Variants in KCNC4 observed in about 807,000 individuals in gnomAD.
The protein encoded by KCNC4 is potassium voltage-gated channel subfamily C member 4, also known as voltage-gated potassium channel KCNC4.
In KCNC4, 23 loss-of-function variants were observed where a neutral mutation model predicts 42.8. The observed-to-expected ratio is 0.54, with a 90% CI of 0.39 to 0.76. The LOEUF is 0.76. KCNC4 is among the 30% of genes least tolerant of loss of function. The pLI is 0.00. For missense variants in KCNC4, 751 were observed against 898.2 expected (o/e 0.84, Z 2.10); for synonymous variants, 422 against 393.5 (o/e 1.07, Z -0.86).
At position 110,223,134 on chromosome 1, in the gene KCNC4, C is replaced by T. The variant is rs748353549; in HGVS notation, c.849C>T (p.Tyr283=). Residue 283 remains tyrosine (Y), a synonymous_variant, in exon 2 of 4, where the codon TAC becomes TAT. Coordinates refer to ENST00000438661, the MANE Select transcript of KCNC4 (RefSeq NM_001039574.3). This position sits in a 1 kb window ranked among gnomAD's most constrained non-coding sequence, Gnocchi z 7.5. Reference sequence around the variant, plus strand: ...TAGAGACAGAGCCCATCCTGACCTACATCGAGGGCGTATGTGTGCTGTGGT... The same window carrying T: ...TAGAGACAGAGCCCATCCTGACCTATATCGAGGGCGTATGTGTGCTGTGGT... ...REVETEPILT[Y]IEGVCVLWFT... is the part of the protein sequence containing the mutation. 1.9e-6 allele frequency: 3 copies of T among 1,614,244 alleles called. No homozygotes were observed. The highest frequency in any genetic ancestry group is 1.7e-5 in the Admixed American group (1 of 60,030).
Position 110,223,839 on chromosome 1 carries a change from C to T in KCNC4, c.1554C>T (p.Ser518=), listed in dbSNP as rs543761843. Residue 518 remains serine (S), a synonymous_variant, in exon 2 of 4, where the codon AGC becomes AGT. Coordinates refer to ENST00000438661, the MANE Select transcript of KCNC4 (RefSeq NM_001039574.3). The surrounding 1 kb of genome is among the most constrained non-coding windows in gnomAD (Gnocchi z 7.5). The part of the protein sequence containing the change: ...CKSEETSPRD[S]TCSDTSPPAR... ...CTGAGGAGACTTCCCCCCGGGACAG[C>T]ACCTGCAGTGATACCAGCCCCCCTG... is the stretch of plus-strand genomic sequence containing the variant. 1.2e-6 allele frequency: 2 copies of T among 1,610,262 alleles called. No homozygotes were observed. The highest frequency in any genetic ancestry group is 1.7e-5 in the Admixed American group (1 of 59,906).
intron 1 of KCNC4, among the ~76,000 whole-genome samples, chr1:110,255,234 G>A (rs767770164): frequency 3.3e-5 from 5 of 152,206 alleles, no homozygotes; most frequent in Non-Finnish European, 5.9e-5. Flanking sequence ...GGACAAACAA[G>A]TTCCCTAGAG....
chr1:110,274,228 A>G (rs1570585886), intron 1 of KCNC4, among the ~76,000 whole-genome samples: 1 of 152,200 alleles, frequency 6.6e-6, no homozygotes, highest in African/African-American at 2.4e-5. Flanking sequence ...CCAGAACACA[A>G]TCCCATTTAC....
intron 2 of KCNC4, 121 bp from the exon 3 acceptor site, chr1:110,225,854 A>G (rs1159860034): frequency 8.8e-6 from 8 of 906,142 alleles, no homozygotes; most frequent in African/African-American, 1.7e-5. Flanking sequence ...CCTCTCAGGT[A>G]GATGCTAGGC....
At chr1:110,260,067 T>A (rs1442831232) in intron 1 of KCNC4, among the ~76,000 whole-genome samples, 1 of 152,212 alleles carries the variant, frequency 6.6e-6, no homozygotes, top group East Asian at 1.9e-4. Flanking sequence ...TCTGTATTTA[T>A]CACTATGGGG....
chr1:110,232,811 C>T, intron 3 of KCNC4, 100 bp from the exon 4 acceptor site: 1 of 1,548,422 alleles, frequency 6.5e-7, no homozygotes, highest in Non-Finnish European at 8.7e-7. Flanking sequence ...TTTGTTTCTC[C>T]CTTTCTTTTG....
chr1:110,256,173 CCA>C (rs1373919128), intron 1 of KCNC4, among the ~76,000 whole-genome samples: 1 of 152,106 alleles, frequency 6.6e-6, no homozygotes. Context: ...GGCATGATCT[CCA>C]CTTTCCTCCT....
At chr1:110,279,019 G>A (rs1162154041) in intron 1 of KCNC4, among the ~76,000 whole-genome samples, 1 of 151,978 alleles carries the variant, frequency 6.6e-6, no homozygotes, top group Non-Finnish European at 1.5e-5. Context: ...CCAGGGGTGG[G>A]GAAGCTCTTC....
At position 110,223,586 on chromosome 1, in the gene KCNC4, T is replaced by C; in HGVS notation, c.1301T>C (p.Met434Thr). The change falls in exon 2 of 4, where the codon ATG becomes ACG. Residue 434 changes from methionine (M) to threonine (T), a missense_variant. This residue lies in a region of KCNC4 where 185 missense variants were observed against 293.7 expected (regional missense o/e 0.63). Transcript: ENST00000438661. This position sits in a 1 kb window ranked among gnomAD's most constrained non-coding sequence, Gnocchi z 7.5. ...GGCTTCTGGTGGGCTGTGGTCACCATGACGACACTGGGCTACGGAGACATG... is the reference window on the plus strand; with the variant it reads ...GGCTTCTGGTGGGCTGTGGTCACCACGACGACACTGGGCTACGGAGACATG... Reference protein sequence around the residue: ...PIGFWWAVVTMTTLGYGDMYP... With the variant: ...PIGFWWAVVTTTTLGYGDMYP... 1 of 1,614,030 alleles carries C rather than the reference T, an allele frequency of 6.2e-7. No individual in the cohort carries two copies. Among genetic ancestry groups the C allele is most frequent in the Non-Finnish European group, 8.5e-7 (1 of 1,180,030 alleles).
At chr1:110,247,045 T>C (rs923776245) in exon 4 of KCNC4, 12 of 152,180 alleles carry the variant, frequency 7.9e-5, no homozygotes, top group African/African-American at 2.9e-4. Context: ...GTATTTCACC[T>C]CTTGTTCCGG....
chr1:110,223,631 G>A lies in KCNC4; in HGVS notation c.1346G>A (p.Gly449Asp), dbSNP rs753798744. 1 of 1,614,142 alleles carries A rather than the reference G, an allele frequency of 6.2e-7. No individual in the cohort carries two copies. Among genetic ancestry groups the A allele is most frequent in the Non-Finnish European group, 8.5e-7 (1 of 1,180,038 alleles). The change falls in exon 2 of 4, where the codon GGC (glycine) becomes GAC (aspartate). Residue 449 changes from glycine to aspartate, a missense_variant. Gly to Asp is a moderately conservative substitution (Grantham distance 94). Around this residue, in one of 4 missense-constraint regions of KCNC4, gnomAD observed 185 missense variants for 293.7 expected, o/e 0.63. Transcript: ENST00000438661. This position sits in a 1 kb window ranked among gnomAD's most constrained non-coding sequence, Gnocchi z 7.5. ...GACATGTACCCCAAGACGTGGTCAG[G>A]CATGCTGGTAGGGGCACTGTGTGCA... ...YGDMYPKTWSGMLVGALCALA... is the reference protein window; with the variant it reads ...YGDMYPKTWSDMLVGALCALA...
chr1:110,261,555 A>C (rs1193320319), intron 1 of KCNC4, among the ~76,000 whole-genome samples: 1 of 151,912 alleles, frequency 6.6e-6, no homozygotes, highest in Non-Finnish European at 1.5e-5. Context: ...TGAGTGGGAA[A>C]AGAGTAAATG....
chr1:110,219,030 C>T (rs1016282492), intron 1 of KCNC4, among the ~76,000 whole-genome samples: 27 of 152,292 alleles, frequency 1.8e-4, no homozygotes, highest in Non-Finnish European at 2.9e-4. Context: ...GGAAGTTTTG[C>T]CTTCCAGCAG....
At chr1:110,247,378 G>A (rs1659173514) in exon 4 of KCNC4, 1 of 152,026 alleles carries the variant, frequency 6.6e-6, no homozygotes, top group South Asian at 2.1e-4. Context: ...GCCTGGCTAA[G>A]TTTTAATTTT....
intron 1 of KCNC4, among the ~76,000 whole-genome samples, chr1:110,276,063 C>G (rs1659720051): frequency 6.6e-6 from 1 of 151,068 alleles, no homozygotes; most frequent in African/African-American, 2.4e-5. Flanking sequence ...ATTCAAATAC[C>G]ATATGTTCTC....
chr1:110,237,396 C>T (rs1658929367), downstream of KCNC4: 1 of 152,152 alleles, frequency 6.6e-6, no homozygotes. Context: ...TCCCACTTTC[C>T]TCCCCAGAGG....
At chr1:110,280,258 T>C (rs971567094) in intron 1 of KCNC4, among the ~76,000 whole-genome samples, 1 of 152,146 alleles carries the variant, frequency 6.6e-6, no homozygotes. Flanking sequence ...TTCAGGTTCA[T>C]ACCTAGGCCA....
chr1:110,257,421 A>C (rs1659353084), intron 1 of KCNC4, among the ~76,000 whole-genome samples: 1 of 152,082 alleles, frequency 6.6e-6, no homozygotes, highest in Admixed American at 6.5e-5. Flanking sequence ...CGCAAAAAAA[A>C]AAAAAGTCCA....
chr1:110,221,507 T>TGC (rs1191285921), intron 1 of KCNC4: 1 of 152,254 alleles, frequency 6.6e-6, no homozygotes, highest in East Asian at 1.9e-4. Context: ...GCCCTGGAGG[T>TGC]GCTGCTGCTT....
Sources: gnomAD v4.1 joint callset for allele counts (sites outside exome capture counted in the v4.1 genomes callset) on GRCh38, gnomAD v4.1.1 for gene constraint, gnomAD v4.1.1 regional missense constraint, Gnocchi (gnomAD v3.1) non-coding constraint, MANE v1.5 for transcripts, NCBI Gene and HGNC (gene_info 2026-07-23, HGNC 2026-07-21) for gene names.